The following PELI2 variants were observed in gnomAD, a reference collection of about 807,000 sequenced individuals.
The protein encoded by PELI2 is pellino E3 ubiquitin protein ligase family member 2.
Under a neutral mutation model 42.3 loss-of-function variants are expected in PELI2, and 23 were observed. The observed-to-expected ratio is 0.54, with a 90% confidence interval of 0.39 to 0.77. The LOEUF (loss-of-function observed/expected upper bound fraction) is 0.77. PELI2 is among the 30% of genes least tolerant of loss of function. The pLI is 0.00. For missense variants in PELI2, 463 were observed against 553.2 expected (o/e 0.84, Z 1.64); for synonymous variants, 245 against 212.2 (o/e 1.15, Z -1.34).
intron 1 of PELI2, among the ~76,000 whole-genome samples, chr14:56,165,577 T>G (rs1341389646): frequency 6.6e-6 from 1 of 152,142 alleles, no homozygotes; most frequent in Non-Finnish European, 1.5e-5. Flanking sequence ...GGATGAAATA[T>G]TTCGTAAATA....
chr14:56,156,140 A>G (rs907391334), intron 1 of PELI2, among the ~76,000 whole-genome samples: 3 of 152,208 alleles, frequency 2.0e-5, no homozygotes, highest in Non-Finnish European at 4.4e-5. Context: ...GTAATCTGGA[A>G]TAATAAAGAA....
At chr14:56,155,190 A>T (rs1884507182) in intron 1 of PELI2, among the ~76,000 whole-genome samples, 1 of 149,782 alleles carries the variant, frequency 6.7e-6, no homozygotes, top group African/African-American at 2.4e-5. Context: ...ATAATTTTTG[A>T]TATGCAGAAG....
chr14:56,194,009 G>A (rs571057377), intron 2 of PELI2, among the ~76,000 whole-genome samples: 1 of 152,186 alleles, frequency 6.6e-6, no homozygotes, highest in Non-Finnish European at 1.5e-5. Flanking sequence ...CATTGTTGGG[G>A]GGTCTTAATT....
chr14:56,207,583 A>G (rs980052948), intron 2 of PELI2, among the ~76,000 whole-genome samples: 1 of 152,208 alleles, frequency 6.6e-6, no homozygotes. Flanking sequence ...TGAGACTTAC[A>G]TAGTGTGGAT....
At chr14:56,239,607 A>G (rs1367733133) in intron 2 of PELI2, among the ~76,000 whole-genome samples, 1 of 152,188 alleles carries the variant, frequency 6.6e-6, no homozygotes, top group Non-Finnish European at 1.5e-5. Context: ...TCTGAGTGGC[A>G]AACAGAGTAA....
intron 2 of PELI2, among the ~76,000 whole-genome samples, chr14:56,193,435 G>A (rs1291070312): frequency 6.6e-6 from 1 of 152,114 alleles, no homozygotes; most frequent in East Asian, 1.9e-4. Flanking sequence ...AAAAAATGCA[G>A]GGAAGTTGGG....
Position 56,273,796 on chromosome 14 carries a change from A to G in PELI2, c.208-5880A>G, listed in dbSNP as rs1889188681. 6.6e-6 allele frequency among the ~76,000 whole-genome samples: 1 copy of G among 152,232 alleles called. No individual in the cohort carries two copies. Among genetic ancestry groups the G allele is most frequent in the South Asian group, 2.1e-4 (1 of 4,836 alleles). On this transcript the variant is annotated intron_variant, in intron 2 of 5. Transcript: ENST00000267460. This position sits in a 1 kb window ranked among gnomAD's most constrained non-coding sequence, Gnocchi z 4.3. ...AAGGAGAAAATGTTTGAACCAAACCATGTAATGATGCTGTACACTGCAAGT... is the reference window on the plus strand; with the variant it reads ...AAGGAGAAAATGTTTGAACCAAACCGTGTAATGATGCTGTACACTGCAAGT...
chr14:56,242,138 G>A lies in PELI2; in HGVS notation c.208-37538G>A, dbSNP rs562636417. Among the ~76,000 whole-genome samples, 3 of 152,338 alleles carry A rather than the reference G, an allele frequency of 2.0e-5. No homozygotes were observed. In the South Asian group the frequency reaches 6.2e-4, roughly 32 times the overall value. Reference sequence around the variant, plus strand: ...GACCAACTGAGTGGCCACCTCATGGGTTCTGTACAGAGGATTTTATAGTTG... The same window carrying A: ...GACCAACTGAGTGGCCACCTCATGGATTCTGTACAGAGGATTTTATAGTTG... On this transcript the variant is annotated intron_variant, in intron 2 of 5. Coordinates refer to ENST00000267460, the MANE Select transcript of PELI2 (RefSeq NM_021255.3).
At chr14:56,214,096 G>A (rs1886808296) in intron 2 of PELI2, among the ~76,000 whole-genome samples, 2 of 152,114 alleles carry the variant, frequency 1.3e-5, no homozygotes, top group South Asian at 4.1e-4. Context: ...CAATGGATCC[G>A]CCCACCTTGG....
chr14:56,159,070 A>G (rs544832539), intron 1 of PELI2, among the ~76,000 whole-genome samples: 98 of 152,360 alleles, frequency 6.4e-4, no homozygotes, highest in South Asian at 2.3e-3. Flanking sequence ...TATTTAGCTC[A>G]CAGTCTTTAG....
chr14:56,124,542 C>G (rs148135053), intron 1 of PELI2, among the ~76,000 whole-genome samples: 1 of 152,176 alleles, frequency 6.6e-6, no homozygotes, highest in African/African-American at 2.4e-5. Flanking sequence ...TGTGAATAAC[C>G]GTTACTGATA....
At chr14:56,204,303 A>G (rs567826726) in intron 2 of PELI2, among the ~76,000 whole-genome samples, 12 of 152,322 alleles carry the variant, frequency 7.9e-5, no homozygotes, top group African/African-American at 2.9e-4. Flanking sequence ...AGCAAAACTA[A>G]AGAGTAGGTG....
intron 1 of PELI2, among the ~76,000 whole-genome samples, chr14:56,151,437 T>TA (rs1300394781): frequency 1.1e-4 from 17 of 152,242 alleles, no homozygotes; most frequent in Admixed American, 1.1e-3. Flanking sequence ...AGAACAACAT[T>TA]ACTTATTGTA....
chr14:56,253,671 C>CTACAAACCA (rs1328140178), intron 2 of PELI2, among the ~76,000 whole-genome samples: 1 of 152,108 alleles, frequency 6.6e-6, no homozygotes, highest in African/African-American at 2.4e-5. Context: ...TCAAGGAGAA[C>CTACAAACCA]TACAAACCAC....
intron 2 of PELI2, among the ~76,000 whole-genome samples, chr14:56,196,390 AT>A (rs1886131482): frequency 6.6e-6 from 1 of 152,214 alleles, no homozygotes; most frequent in South Asian, 2.1e-4. Flanking sequence ...GTCTCTGATA[AT>A]TTGATATCTG....
intron 1 of PELI2, among the ~76,000 whole-genome samples, chr14:56,130,175 CCTGATGGTAT>C (rs961650222): frequency 9.9e-5 from 15 of 152,202 alleles, no homozygotes; most frequent in African/African-American, 3.6e-4. Context: ...GCTCCTGAGC[CCTGATGGTAT>C]CTGTCCTTTA....
chr14:56,176,865 G>A (rs1291186408), intron 1 of PELI2, among the ~76,000 whole-genome samples: 1 of 152,210 alleles, frequency 6.6e-6, no homozygotes, highest in Non-Finnish European at 1.5e-5. Flanking sequence ...AATCCTGGCT[G>A]TAATTGGTTC....
At chr14:56,178,556 A>G (rs1039513526) in intron 2 of PELI2, 92 bp downstream of exon 2, 2 of 1,393,620 alleles carry the variant, frequency 1.4e-6, no homozygotes, top group Admixed American at 1.7e-5. Context: ...TCGTCTTTTC[A>G]TGTAGGACAG....
intron 2 of PELI2, among the ~76,000 whole-genome samples, chr14:56,230,660 A>G (rs529486901): frequency 6.6e-6 from 1 of 152,346 alleles, no homozygotes; most frequent in African/African-American, 2.4e-5. Context: ...CAAATTGTAA[A>G]GACCATTGAT....
Sources: allele counts gnomAD v4.1 joint callset (sites outside exome capture counted in the v4.1 genomes callset), GRCh38; gene constraint gnomAD v4.1.1; non-coding constraint Gnocchi (gnomAD v3.1); transcripts MANE v1.5; gene names NCBI Gene and HGNC (gene_info 2026-07-23, HGNC 2026-07-21).